PSD3: variants seen among roughly 807,000 people sequenced by gnomAD.
The protein encoded by PSD3 is PH and SEC7 domain-containing protein 3.
In PSD3, 49 loss-of-function variants were observed where a neutral mutation model predicts 105.5. The ratio of observed to expected loss-of-function variants is 0.46; its 90% CI spans 0.37 to 0.59. The LOEUF (loss-of-function observed/expected upper bound fraction) is 0.59. PSD3 is among the 20% of genes least tolerant of loss of function. PSD3 has a pLI of 0.00. For synonymous variants in PSD3, 557 were observed against 457.8 expected, an observed-to-expected ratio of 1.22 and a Z score of -2.77; for missense variants, 1,561 against 1,263.8, an observed-to-expected ratio of 1.24 and a Z score of -3.57.
At chr8:19,009,823 A>AG (rs61431469) in intron 1 of PSD3, among the ~76,000 whole-genome samples, 24,011 of 152,042 alleles carry the variant, frequency 0.16, 2,893 homozygotes, top group African/African-American at 0.34. Context: ...TCTGAGAGGC[A>AG]GGGGTTGCAG....
At chr8:18,805,758 G>A (rs1180532005) in intron 4 of PSD3, among the ~76,000 whole-genome samples, 1 of 152,114 alleles carries the variant, frequency 6.6e-6, no homozygotes, top group African/African-American at 2.4e-5. Context: ...TTAATGAAAA[G>A]TCTAAGTATT....
At chr8:18,828,803 A>AT (rs1264635268) in intron 4 of PSD3, among the ~76,000 whole-genome samples, 4 of 151,888 alleles carry the variant, frequency 2.6e-5, no homozygotes, top group East Asian at 1.9e-4. Flanking sequence ...TCTATTATAA[A>AT]CAAACAAACA....
chr8:18,804,920 G>A (rs1165179736), intron 4 of PSD3, 22 bp from the exon 5 acceptor site: 1 of 1,530,000 alleles, frequency 6.5e-7, no homozygotes, highest in Non-Finnish European at 8.9e-7. Context: ...GATAAAGAGA[G>A]AAAATAATAG....
intron 2 of PSD3, among the ~76,000 whole-genome samples, chr8:18,909,217 CAT>C (rs1476515343): frequency 1.3e-5 from 2 of 152,190 alleles, no homozygotes; most frequent in African/African-American, 4.8e-5. Context: ...AACCAACAAA[CAT>C]ATTTCTGTAA....
At chr8:18,709,080 C>T (rs1802078601) in intron 9 of PSD3, among the ~76,000 whole-genome samples, 1 of 152,186 alleles carries the variant, frequency 6.6e-6, no homozygotes. Context: ...ACAGCGGTAG[C>T]AGGCTGGAGA....
chr8:19,084,033 G>A (rs1032292583), intron 1 of PSD3, among the ~76,000 whole-genome samples: 2 of 152,218 alleles, frequency 1.3e-5, no homozygotes, highest in African/African-American at 4.8e-5. Flanking sequence ...GGTGGCAGAG[G>A]ACAGAGCAAA....
chr8:18,650,144 A>C (rs1808369330), intron 10 of PSD3, among the ~76,000 whole-genome samples: 1 of 152,212 alleles, frequency 6.6e-6, no homozygotes, highest in African/African-American at 2.4e-5. Context: ...AATTTTCCTA[A>C]TAGACAATAC....
chr8:18,650,488 A>G (rs959726927), intron 10 of PSD3, among the ~76,000 whole-genome samples: 1 of 152,256 alleles, frequency 6.6e-6, no homozygotes, highest in East Asian at 1.9e-4. Flanking sequence ...GCAAATGGTC[A>G]TGGTCCTATA....
intron 15 of PSD3, among the ~76,000 whole-genome samples, chr8:18,549,678 T>C (rs1006538528): frequency 1.3e-5 from 2 of 152,254 alleles, no homozygotes; most frequent in Non-Finnish European, 2.9e-5. Context: ...CCTATTTACC[T>C]GTTTCTTTCA....
At chr8:18,600,920 AC>A (rs1259395669) in intron 11 of PSD3, among the ~76,000 whole-genome samples, 5 of 151,918 alleles carry the variant, frequency 3.3e-5, no homozygotes, top group South Asian at 2.1e-4. Context: ...TTTCTCCCAT[AC>A]CCCCCTCAAC....
At chr8:18,753,726 T>A (rs73670009) in intron 9 of PSD3, among the ~76,000 whole-genome samples, 4,427 of 152,244 alleles carry the variant, frequency 0.029, 216 homozygotes, top group African/African-American at 0.1. Flanking sequence ...TGCCAAAAAA[T>A]CTTTATAAGA....
rs572162749 is a variant in PSD3, at chr8:18,735,033, AC to A, written c.2172+30415del. ...ATAATTCAGAGTAATATTGGCACAT[AC>A]GCCGAGGACCACTCATGCCTTAGCA... On this transcript the variant is annotated intron_variant, in intron 9 of 15. Transcript: ENST00000327040. 2.0e-4 allele frequency among the ~76,000 whole-genome samples: 31 copies of A among 152,328 alleles called. No homozygotes were observed. The Middle Eastern group carries it at 0.014, about 67-fold the overall frequency.
intron 9 of PSD3, among the ~76,000 whole-genome samples, chr8:18,737,409 T>G (rs1804234309): frequency 6.6e-6 from 1 of 152,146 alleles, no homozygotes; most frequent in South Asian, 2.1e-4. Flanking sequence ...CATGCAGCCT[T>G]GGCTTCCTGG....
intron 4 of PSD3, among the ~76,000 whole-genome samples, chr8:18,845,478 G>A (rs1219717222): frequency 6.6e-6 from 1 of 152,176 alleles, no homozygotes; most frequent in Non-Finnish European, 1.5e-5. Flanking sequence ...ACGGCATTCG[G>A]AAGACAGGTG....
At chr8:18,624,508 G>A (rs971068973) in intron 11 of PSD3, among the ~76,000 whole-genome samples, 2 of 131,028 alleles carry the variant, frequency 1.5e-5, no homozygotes, top group African/African-American at 5.8e-5. Flanking sequence ...GACACAGGAA[G>A]GGGAACATCA....
At chr8:18,866,932 T>G (rs1036908652) in intron 4 of PSD3, among the ~76,000 whole-genome samples, 1 of 151,322 alleles carries the variant, frequency 6.6e-6, no homozygotes, top group African/African-American at 2.4e-5. Flanking sequence ...CAAAACAAAA[T>G]TCATAAAATT....
chr8:18,918,993 A>G (rs535187644), intron 2 of PSD3, among the ~76,000 whole-genome samples: 7 of 152,120 alleles, frequency 4.6e-5, no homozygotes, highest in African/African-American at 1.7e-4. Flanking sequence ...AATTTCCTTA[A>G]TTCTCCTTTC....
At chr8:18,562,482 T>G (rs1444611373) in intron 14 of PSD3, among the ~76,000 whole-genome samples, 1 of 152,220 alleles carries the variant, frequency 6.6e-6, no homozygotes, top group Non-Finnish European at 1.5e-5. Context: ...AATCCTGAAC[T>G]CAGCTTTCAG....
At chr8:18,691,988 C>A (rs1044836272) in intron 9 of PSD3, among the ~76,000 whole-genome samples, 3 of 152,158 alleles carry the variant, frequency 2.0e-5, no homozygotes, top group Admixed American at 2.0e-4. Context: ...TTTCATTTTT[C>A]ATTTCTTTGA....
Sources: gnomAD v4.1 joint callset for allele counts (sites outside exome capture counted in the v4.1 genomes callset) on GRCh38, gnomAD v4.1.1 for gene constraint, MANE v1.5 for transcripts, NCBI Gene and HGNC (gene_info 2026-07-23, HGNC 2026-07-21) for gene names.